DTL: variants seen among roughly 807,000 people sequenced by gnomAD.
The protein encoded by DTL is denticleless E3 ubiquitin protein ligase adapter.
DTL carries 46 observed loss-of-function variants against 87.0 expected under a neutral mutation model. That is an observed-to-expected ratio of 0.53 (90% CI 0.42 to 0.68). The LOEUF is 0.68. DTL is among the 30% of genes least tolerant of loss of function. DTL has a pLI of 0.00. For synonymous variants in DTL, 308 were observed against 311.2 expected (o/e 0.99, Z 0.11); for missense variants, 737 against 869.4 (o/e 0.85, Z 1.91).
chr1:212,043,828 CAA>C (rs35962372), intron 2 of DTL, among the ~76,000 whole-genome samples: 48 of 83,642 alleles, frequency 5.7e-4, no homozygotes, highest in Admixed American at 9.6e-4. Context: ...ACTTCATCTC[CAA>C]AAAAAAAAAA....
At chr1:212,071,800 G>A (rs1654680040) in intron 10 of DTL, among the ~76,000 whole-genome samples, 1 of 152,146 alleles carries the variant, frequency 6.6e-6, no homozygotes, top group Non-Finnish European at 1.5e-5. Context: ...CTGCAAGTTG[G>A]ACATTGGCTG....
chr1:212,075,555 C>T (rs967196598), intron 11 of DTL, among the ~76,000 whole-genome samples: 2 of 151,986 alleles, frequency 1.3e-5, no homozygotes, highest in African/African-American at 4.8e-5. Context: ...TAAAAGCCAC[C>T]TGAATCTCAT....
intron 13 of DTL, among the ~76,000 whole-genome samples, chr1:212,097,010 T>C (rs1379626258): frequency 6.6e-6 from 1 of 152,206 alleles, no homozygotes; most frequent in African/African-American, 2.4e-5. Context: ...GATTTAGAAC[T>C]CCTTTTAGCA....
At chr1:212,059,254 T>C (rs1023821085) in intron 5 of DTL, among the ~76,000 whole-genome samples, 3 of 150,568 alleles carry the variant, frequency 2.0e-5, no homozygotes, top group Admixed American at 2.0e-4. Flanking sequence ...CGGACATAGA[T>C]GCAAAAATCC....
chr1:212,047,059 T>G lies in DTL; in HGVS notation c.278-92T>G. 3.6e-6 allele frequency: 4 copies of G among 1,117,428 alleles called. No individual in the cohort carries two copies. The South Asian group carries it at 5.3e-5, about 15-fold the overall frequency. 69.2% of individuals were successfully genotyped at this position (1,117,428 alleles called of 1,614,324 possible). A position where few individuals can be genotyped will look rare whatever the true frequency, so the allele number is the denominator to read the frequency against. On this transcript the variant is annotated intron_variant, in intron 3 of 14. Transcript: ENST00000366991. ...AATGATCAACTACTGATCTTTTTACTACTACAGCTTTCCAGGCATTTAAAG... is the reference window on the plus strand; with the variant it reads ...AATGATCAACTACTGATCTTTTTACGACTACAGCTTTCCAGGCATTTAAAG...
chr1:212,089,688 T>G (rs1357290361), intron 13 of DTL, among the ~76,000 whole-genome samples: 1 of 152,220 alleles, frequency 6.6e-6, no homozygotes, highest in African/African-American at 2.4e-5. Flanking sequence ...CTAACAAAAT[T>G]TCTTTGACCC....
At chr1:212,077,104 A>G (rs995515473) in intron 11 of DTL, among the ~76,000 whole-genome samples, 4 of 152,118 alleles carry the variant, frequency 2.6e-5, no homozygotes, top group Non-Finnish European at 4.4e-5. Context: ...TTCCAGAGTC[A>G]CCTCCACTTT....
At chr1:212,077,460 A>G (rs940791952) in intron 11 of DTL, among the ~76,000 whole-genome samples, 1 of 152,202 alleles carries the variant, frequency 6.6e-6, no homozygotes, top group African/African-American at 2.4e-5. Flanking sequence ...AACTTCTCTC[A>G]GAAAATTAAC....
At chr1:212,062,799 A>G in intron 5 of DTL, 85 bp from the exon 6 acceptor site, 2 of 1,039,470 alleles carry the variant, frequency 1.9e-6, no homozygotes, top group Non-Finnish European at 3.0e-6. Flanking sequence ...AGCACATAAT[A>G]GATAGTCTAC....
intron 5 of DTL, among the ~76,000 whole-genome samples, chr1:212,050,363 A>G (rs546256434): frequency 6.6e-6 from 1 of 152,158 alleles, no homozygotes; most frequent in Non-Finnish European, 1.5e-5. Flanking sequence ...TGCCTTCCCT[A>G]AGTATCTACC....
chr1:212,104,854 C>T lies in DTL; in HGVS notation c.*1914C>T, dbSNP rs1446226592. ...TAAAGCCTTTTACCTTATCTGATGTCCTTTTCTGAGCTTTTTGCATTACCT... is the reference window on the plus strand; with the variant it reads ...TAAAGCCTTTTACCTTATCTGATGTTCTTTTCTGAGCTTTTTGCATTACCT... On this transcript the variant is annotated 3_prime_UTR_variant, in exon 15 of 15. Transcript: ENST00000366991. 1.3e-5 allele frequency: 2 copies of T among 152,142 alleles called. No individual in the cohort carries two copies. The highest frequency in any genetic ancestry group is 2.4e-5 in the African/African-American group (1 of 41,434). 9.4% of individuals were successfully genotyped at this position (152,142 alleles called of 1,614,324 possible). A position where few individuals can be genotyped will look rare whatever the true frequency, so the allele number is the denominator to read the frequency against.
chr1:212,095,790 G>A (rs80030051), intron 13 of DTL, among the ~76,000 whole-genome samples: 1 of 151,988 alleles, frequency 6.6e-6, no homozygotes, highest in East Asian at 1.9e-4. Context: ...ATTTTGTTGA[G>A]GATTTTTGCA....
chr1:212,052,043 AAAG>A, intron 5 of DTL: 2 of 988,572 alleles, frequency 2.0e-6, no homozygotes, highest in East Asian at 2.4e-5. Flanking sequence ...TTCCGGCCGA[AAAG>A]AAGCTGGATA....
Position 212,100,331 on chromosome 1 carries a change from C to G in DTL, c.1341C>G (p.Ser447=). 2 of 1,613,374 alleles carry G rather than the reference C, an allele frequency of 1.2e-6. No individual in the cohort carries two copies. Among genetic ancestry groups the G allele is most frequent in the East Asian group, 4.5e-5 (2 of 44,848 alleles). Residue 447 remains serine, a synonymous_variant, in exon 14 of 15, where the codon TCC becomes TCG. Coordinates refer to ENST00000366991, the MANE Select transcript of DTL (RefSeq NM_016448.4). ...ATCCATCCAATTCTTCCCCGTCATCCGCAGCTTGTGCCCCAAGCTGTGCTG... is the reference window on the plus strand; with the variant it reads ...ATCCATCCAATTCTTCCCCGTCATCGGCAGCTTGTGCCCCAAGCTGTGCTG... ...KCNPSNSSPS[S]AACAPSCAGD... is the part of the protein sequence containing the mutation.
At chr1:212,050,481 C>T (rs1298104860) in intron 5 of DTL, among the ~76,000 whole-genome samples, 2 of 152,180 alleles carry the variant, frequency 1.3e-5, no homozygotes, top group African/African-American at 4.8e-5. Flanking sequence ...TATTTCCTCT[C>T]CTACAAACTT....
chr1:212,100,222 T>G lies in DTL; in HGVS notation c.1262-30T>G, dbSNP rs1186784636. Reference sequence around the variant, plus strand: ...AGGGACTTTGTATGGCTTTCACTTCTGATCTTCATGATCCTCTCCTCTTTT... The same window carrying G: ...AGGGACTTTGTATGGCTTTCACTTCGGATCTTCATGATCCTCTCCTCTTTT... On this transcript the variant is annotated intron_variant, in intron 13 of 14. Coordinates refer to ENST00000366991, the MANE Select transcript of DTL (RefSeq NM_016448.4). 9.5e-6 allele frequency: 14 copies of G among 1,479,376 alleles called. No individual in the cohort carries two copies. In the South Asian group the frequency reaches 1.7e-4, roughly 18 times the overall value. 91.6% of individuals were successfully genotyped at this position (1,479,376 alleles called of 1,614,324 possible). A position where few individuals can be genotyped will look rare whatever the true frequency, so the allele number is the denominator to read the frequency against.
chr1:212,086,931 G>C (rs1057351722), intron 13 of DTL, among the ~76,000 whole-genome samples: 1 of 152,108 alleles, frequency 6.6e-6, no homozygotes, highest in Non-Finnish European at 1.5e-5. Context: ...AAAGTATCTT[G>C]CTTTTAACTA....
At position 212,100,320 on chromosome 1, in the gene DTL, T is replaced by TC; in HGVS notation, c.1334dup (p.Ser446ValfsTer25). 4 of 1,612,364 alleles carry TC rather than the reference T, an allele frequency of 2.5e-6. No individual in the cohort carries two copies. Among genetic ancestry groups the TC allele is most frequent in the Non-Finnish European group, 3.4e-6 (4 of 1,179,266 alleles). Reference sequence around the variant, plus strand: ...GGCAAAGTGCAATCCATCCAATTCTTCCCCGTCATCCGCAGCTTGTGCCCC... The same window carrying TC: ...GGCAAAGTGCAATCCATCCAATTCTTCCCCCGTCATCCGCAGCTTGTGCCCC... On this transcript the variant is annotated frameshift_variant, in exon 14 of 15. Transcript: ENST00000366991. LOFTEE classifies it high-confidence loss of function.
chr1:212,059,393 C>T (rs568618556), intron 5 of DTL, among the ~76,000 whole-genome samples: 3 of 150,410 alleles, frequency 2.0e-5, no homozygotes, highest in Non-Finnish European at 1.5e-5. Context: ...ATGATACATA[C>T]GTCATCAACA....
Sources: allele counts gnomAD v4.1 joint callset (sites outside exome capture counted in the v4.1 genomes callset), GRCh38; gene constraint gnomAD v4.1.1; transcripts MANE v1.5; gene names NCBI Gene and HGNC (gene_info 2026-07-23, HGNC 2026-07-21).